The following RSPO2 variants were observed in gnomAD, a reference collection of about 807,000 sequenced individuals.
The protein encoded by RSPO2 is R-spondin 2.
RSPO2 carries 14 observed loss-of-function variants against 30.9 expected under a neutral mutation model. The observed-to-expected ratio is 0.45, with a 90% CI of 0.30 to 0.71. The LOEUF (loss-of-function observed/expected upper bound fraction) is 0.71. Among genes scored for constraint, RSPO2 ranks in the 30% least tolerant of loss-of-function variants. RSPO2 has a pLI of 0.08. For synonymous variants in RSPO2, 107 were observed against 96.4 expected, an observed-to-expected ratio of 1.11 and a Z score of -0.64; for missense variants, 264 against 301.9, an observed-to-expected ratio of 0.87 and a Z score of 0.93.
chr8:108,017,747 C>T (rs1275327797), intron 2 of RSPO2, among the ~76,000 whole-genome samples: 1 of 152,098 alleles, frequency 6.6e-6, no homozygotes, highest in Non-Finnish European at 1.5e-5. Context: ...ATGGTTATTT[C>T]ATTTTAATAT....
At chr8:107,923,333 T>G (rs1812246290) in intron 5 of RSPO2, among the ~76,000 whole-genome samples, 2 of 151,700 alleles carry the variant, frequency 1.3e-5, no homozygotes, top group African/African-American at 4.8e-5. Flanking sequence ...TCAACATCAC[T>G]GATTAAACAA....
chr8:107,945,842 T>C (rs1262357258), intron 5 of RSPO2, among the ~76,000 whole-genome samples: 1 of 152,228 alleles, frequency 6.6e-6, no homozygotes, highest in Non-Finnish European at 1.5e-5. Context: ...CTAAGCCCTA[T>C]GCTAATCAGG....
At chr8:108,038,157 C>A (rs11993198) in intron 2 of RSPO2, among the ~76,000 whole-genome samples, 11,811 of 152,150 alleles carry the variant, frequency 0.078, 785 homozygotes, top group African/African-American at 0.17. Flanking sequence ...GGGAGAAGGT[C>A]AAAATATCAA....
At chr8:108,063,650 T>A (rs1015894949) in intron 2 of RSPO2, among the ~76,000 whole-genome samples, 2 of 151,796 alleles carry the variant, frequency 1.3e-5, no homozygotes, top group African/African-American at 4.9e-5. Context: ...AAGCTACCAA[T>A]GACTTTCTTC....
chr8:107,987,664 AAAT>A (rs1453935268), intron 3 of RSPO2, among the ~76,000 whole-genome samples: 1 of 152,350 alleles, frequency 6.6e-6, no homozygotes, highest in Admixed American at 6.5e-5. Context: ...CCAAAATGCC[AAAT>A]AACACTCCAG....
intron 2 of RSPO2, among the ~76,000 whole-genome samples, chr8:108,013,439 T>G (rs1227363929): frequency 1.3e-5 from 2 of 152,168 alleles, no homozygotes; most frequent in Non-Finnish European, 2.9e-5. Context: ...AAGCAAAGCC[T>G]GCTGCATACT....
intron 3 of RSPO2, among the ~76,000 whole-genome samples, chr8:107,967,896 C>A (rs1264966079): frequency 6.6e-6 from 1 of 152,108 alleles, no homozygotes; most frequent in Non-Finnish European, 1.5e-5. Flanking sequence ...CAGTGAAGCT[C>A]TCTTTGTCTT....
chr8:107,913,008 G>C (rs1255587549), intron 5 of RSPO2, among the ~76,000 whole-genome samples: 1 of 152,102 alleles, frequency 6.6e-6, no homozygotes, highest in African/African-American at 2.4e-5. Flanking sequence ...CATAAGAGCT[G>C]CACATATTTT....
At chr8:108,049,565 T>A (rs963029126) in intron 2 of RSPO2, among the ~76,000 whole-genome samples, 6 of 151,692 alleles carry the variant, frequency 4.0e-5, no homozygotes, top group Admixed American at 6.6e-5. Context: ...GCCCCCACAC[T>A]GACAGGCCCC....
intron 2 of RSPO2, among the ~76,000 whole-genome samples, chr8:108,043,734 G>A (rs763907101): frequency 2.0e-5 from 3 of 152,060 alleles, no homozygotes; most frequent in Non-Finnish European, 2.9e-5. Context: ...TGATAGCCAG[G>A]CAAGAAGCAA....
In RSPO2 at chr8:108,008,776, G is replaced by A. The variant is rs1361627775; in HGVS notation, c.95-19532C>T. 2.9e-5 allele frequency among the ~76,000 whole-genome samples: 4 copies of A among 138,824 alleles called. No individual in the cohort carries two copies. In the South Asian group the frequency reaches 7.0e-4, roughly 24 times the overall value. The allele number at this position is 138,824 out of a possible 152,430, so 91.1% of individuals were successfully genotyped here. Reference sequence around the variant, plus strand: ...GTCTCCTGAAAGGCTATCTAAAAAGGTCATAAACTGCAAAAAAAAAAAAAT... The same window carrying A: ...GTCTCCTGAAAGGCTATCTAAAAAGATCATAAACTGCAAAAAAAAAAAAAT... On this transcript the variant is annotated intron_variant, in intron 2 of 5. Transcript: ENST00000276659.
intron 2 of RSPO2, among the ~76,000 whole-genome samples, chr8:108,011,176 AAAAAGGAAAAGGAAAGGG>A (rs1340289715): frequency 2.7e-5 from 4 of 149,582 alleles, no homozygotes; most frequent in East Asian, 3.9e-4. Context: ...AAAGAAAAAG[AAAAAGGAAAAGGAAAGGG>A]AAAAGGAAAA....
chr8:108,019,748 T>C (rs943609443), intron 2 of RSPO2, among the ~76,000 whole-genome samples: 3 of 152,230 alleles, frequency 2.0e-5, no homozygotes, highest in Non-Finnish European at 4.4e-5. Context: ...GATTGAGTGC[T>C]TTTCAAAGAA....
chr8:107,964,076 A>T (rs964405111), intron 3 of RSPO2, among the ~76,000 whole-genome samples: 2 of 152,238 alleles, frequency 1.3e-5, no homozygotes, highest in African/African-American at 4.8e-5. Context: ...ATCAGTGCCA[A>T]GTCCTAGCAC....
chr8:107,976,983 A>T (rs535501713), intron 3 of RSPO2, among the ~76,000 whole-genome samples: 52 of 152,328 alleles, frequency 3.4e-4, no homozygotes, highest in Admixed American at 6.5e-4. Flanking sequence ...ATCTTAGAGA[A>T]GGAAGAAACA....
intron 3 of RSPO2, among the ~76,000 whole-genome samples, chr8:107,961,322 G>A (rs1813620129): frequency 6.6e-6 from 1 of 152,166 alleles, no homozygotes; most frequent in Non-Finnish European, 1.5e-5. Context: ...AGGGTGACCT[G>A]GGTGGGGCAT....
chr8:107,936,601 C>T (rs1484206883), intron 5 of RSPO2, among the ~76,000 whole-genome samples: 3 of 152,184 alleles, frequency 2.0e-5, no homozygotes, highest in Non-Finnish European at 2.9e-5. Flanking sequence ...CATTCCCTTT[C>T]TCCACATCCT....
At chr8:108,059,076 G>C (rs1233854004) in intron 2 of RSPO2, among the ~76,000 whole-genome samples, 2 of 151,626 alleles carry the variant, frequency 1.3e-5, no homozygotes, top group African/African-American at 4.9e-5. Context: ...TACAAAATGG[G>C]AGAAAATTTT....
intron 2 of RSPO2, among the ~76,000 whole-genome samples, chr8:108,056,582 C>T (rs144266304): frequency 8.6e-4 from 117 of 135,348 alleles, no homozygotes; most frequent in Middle Eastern, 4.6e-3. Flanking sequence ...AAGATGGCAC[C>T]ACTGCACTCC....
Sources: gnomAD v4.1 joint callset for allele counts (sites outside exome capture counted in the v4.1 genomes callset) on GRCh38, gnomAD v4.1.1 for gene constraint, MANE v1.5 for transcripts, NCBI Gene and HGNC (gene_info 2026-07-23, HGNC 2026-07-21) for gene names.